METTL15: variants seen among roughly 807,000 people sequenced by gnomAD.
The protein encoded by METTL15 is methyltransferase 15, mitochondrial 12S rRNA N4-cytidine, also known as 12S rRNA N(4)-cytidine methyltransferase METTL15.
In METTL15, 34 loss-of-function variants were observed where a neutral mutation model predicts 38.3. The ratio of observed to expected loss-of-function variants is 0.89; its 90% CI spans 0.68 to 1.18. METTL15 has a LOEUF of 1.18. METTL15 is among the 50% of genes most tolerant of loss of function. METTL15 has a pLI of 0.00. For synonymous variants in METTL15, 162 were observed against 170.9 expected (o/e 0.95, Z 0.41); for missense variants, 438 against 498.4 (o/e 0.88, Z 1.15).
chr11:28,357,188 A>G (rs1590343641), intron 4 of METTL15, among the ~76,000 whole-genome samples: 2 of 152,334 alleles, frequency 1.3e-5, no homozygotes, highest in South Asian at 4.1e-4. Flanking sequence ...TTTGGTTTAC[A>G]TACAGTTCTT....
At position 28,293,631 on chromosome 11, in the gene METTL15, A is replaced by G. The variant is rs377064428; in HGVS notation, c.600-3122A>G. ...GCTTGATGGGGATGGCATTGAATCT[A>G]TAAATTACCTTGGGCAGTATGGCCA... On this transcript the variant is annotated intron_variant, in intron 5 of 6. Transcript: ENST00000407364. 8.0e-4 allele frequency among the ~76,000 whole-genome samples: 121 copies of G among 151,608 alleles called. 3 individuals are homozygous for G. The East Asian group carries it at 0.022, about 28-fold the overall frequency.
chr11:28,417,553 C>T (rs1460538698), intron 5 of METTL15, among the ~76,000 whole-genome samples: 1 of 152,182 alleles, frequency 6.6e-6, no homozygotes, highest in Admixed American at 6.5e-5. Context: ...TTTGTCAATG[C>T]ACATGCTAAC....
At chr11:28,231,157 A>G (rs1256086398) in intron 4 of METTL15, among the ~76,000 whole-genome samples, 2 of 151,926 alleles carry the variant, frequency 1.3e-5, no homozygotes, top group Non-Finnish European at 2.9e-5. Flanking sequence ...ACAGCTGGAT[A>G]AAAAGGTCAA....
intron 3 of METTL15, among the ~76,000 whole-genome samples, chr11:28,122,333 ATGTGTGTG>A (rs61147516): frequency 3.7e-4 from 42 of 112,100 alleles, no homozygotes; most frequent in South Asian, 1.7e-3. Flanking sequence ...ATGTGTGTAT[ATGTGTGTG>A]TGTGTGTGTG....
At chr11:28,222,192 G>C (rs1204763342) in intron 4 of METTL15, among the ~76,000 whole-genome samples, 1 of 152,220 alleles carries the variant, frequency 6.6e-6, no homozygotes, top group Non-Finnish European at 1.5e-5. Context: ...GAGCTGCGGT[G>C]GGCTTCACCC....
intron 3 of METTL15, among the ~76,000 whole-genome samples, chr11:28,209,719 G>T (rs1271846647): frequency 6.6e-6 from 1 of 151,896 alleles, no homozygotes; most frequent in Non-Finnish European, 1.5e-5. Context: ...ACTTAGCATG[G>T]TAGATACGAG....
intron 6 of METTL15, among the ~76,000 whole-genome samples, chr11:28,464,874 T>A (rs752457595): frequency 9.8e-5 from 15 of 152,356 alleles, no homozygotes; most frequent in South Asian, 2.1e-4. Context: ...ATATTTCCTG[T>A]TGGATTTGAA....
chr11:28,394,521 G>T (rs1023769995), intron 5 of METTL15, among the ~76,000 whole-genome samples: 2 of 151,972 alleles, frequency 1.3e-5, no homozygotes, highest in Non-Finnish European at 2.9e-5. Context: ...TGGTCTTGGA[G>T]GTGGCAGAGA....
intron 6 of METTL15, among the ~76,000 whole-genome samples, chr11:28,472,966 C>T (rs1851315099): frequency 6.6e-6 from 1 of 152,096 alleles, no homozygotes. Flanking sequence ...AGGTCTGTTT[C>T]TCTGGAAGAT....
At chr11:28,298,234 C>G (rs1856805026) in intron 6 of METTL15, among the ~76,000 whole-genome samples, 3 of 152,094 alleles carry the variant, frequency 2.0e-5, no homozygotes, top group Non-Finnish European at 4.4e-5. Context: ...TCCGTACTCA[C>G]TAACATGTCT....
At chr11:28,184,706 G>A (rs955870940) in intron 3 of METTL15, among the ~76,000 whole-genome samples, 20 of 151,530 alleles carry the variant, frequency 1.3e-4, no homozygotes, top group African/African-American at 4.8e-4. Context: ...ATTGATTAAA[G>A]TTAATGCTAT....
intron 6 of METTL15, among the ~76,000 whole-genome samples, chr11:28,440,235 A>G (rs1419971433): frequency 6.6e-6 from 1 of 152,228 alleles, no homozygotes; most frequent in Non-Finnish European, 1.5e-5. Flanking sequence ...ACTAAGACCT[A>G]GAGGAGAAAT....
intron 3 of METTL15, among the ~76,000 whole-genome samples, chr11:28,127,822 T>C (rs924275954): frequency 1.3e-5 from 2 of 152,154 alleles, no homozygotes; most frequent in Non-Finnish European, 2.9e-5. Context: ...TACATGAAAG[T>C]ATACCAAAGA....
chr11:28,295,176 G>A (rs1291197998), intron 5 of METTL15, among the ~76,000 whole-genome samples: 1 of 152,090 alleles, frequency 6.6e-6, no homozygotes, highest in Non-Finnish European at 1.5e-5. Context: ...CATCTTTTAT[G>A]TTCCAGGCAT....
chr11:28,147,478 T>A (rs1165854425), intron 3 of METTL15, among the ~76,000 whole-genome samples: 1 of 151,876 alleles, frequency 6.6e-6, no homozygotes, highest in Non-Finnish European at 1.5e-5. Flanking sequence ...TATAATTTAA[T>A]TGGCAGTACC....
At chr11:28,489,590 G>A (rs2133480488) in intron 6 of METTL15, among the ~76,000 whole-genome samples, 1 of 152,212 alleles carries the variant, frequency 6.6e-6, no homozygotes, top group African/African-American at 2.4e-5. Context: ...AAGGGAGACT[G>A]AGTGCTATGG....
chr11:28,370,872 G>A (rs1372290603), intron 5 of METTL15, among the ~76,000 whole-genome samples: 3 of 151,910 alleles, frequency 2.0e-5, no homozygotes, highest in Admixed American at 6.6e-5. Context: ...TCTATTGAAT[G>A]TCTTTTGCCC....
intron 6 of METTL15, among the ~76,000 whole-genome samples, chr11:28,520,548 G>A (rs1564955095): frequency 6.6e-6 from 1 of 152,024 alleles, no homozygotes; most frequent in Non-Finnish European, 1.5e-5. Flanking sequence ...AGAAGGTCCC[G>A]AGAAAATAAC....
intron 6 of METTL15, among the ~76,000 whole-genome samples, chr11:28,502,032 C>T (rs891639353): frequency 1.1e-4 from 17 of 148,812 alleles, no homozygotes; most frequent in South Asian, 6.4e-4. Context: ...ATCCAGGAGG[C>T]GGAGCTTGCA....
Sources: gnomAD v4.1 joint callset for allele counts (sites outside exome capture counted in the v4.1 genomes callset) on GRCh38, gnomAD v4.1.1 for gene constraint, MANE v1.5 for transcripts, NCBI Gene and HGNC (gene_info 2026-07-23, HGNC 2026-07-21) for gene names.